The following SAMD12 variants were observed in gnomAD, a reference collection of about 807,000 sequenced individuals.
SAMD12 encodes the protein sterile alpha motif domain containing 12, also known as sterile alpha motif domain-containing protein 12.
In SAMD12, 9 loss-of-function variants were observed where a neutral mutation model predicts 15.0. The ratio of observed to expected loss-of-function variants is 0.60; its 90% CI spans 0.36 to 1.05. The LOEUF (loss-of-function observed/expected upper bound fraction) is 1.05, where lower values mean the gene tolerates loss of function less well. Among genes scored for constraint, SAMD12 ranks in the 50% least tolerant of loss-of-function variants. The probability of loss-of-function intolerance (pLI) is 0.01; values close to 1 mark genes in which losing one functional copy is unlikely to be tolerated. For synonymous variants in SAMD12, 86 were observed against 90.1 expected, an observed-to-expected ratio of 0.96 and a Z score of 0.25; for missense variants, 230 against 234.2, an observed-to-expected ratio of 0.98 and a Z score of 0.12.
At chr8:118,267,701 T>TG (rs1813238606) in intron 4 of SAMD12, among the ~76,000 whole-genome samples, 67 of 147,612 alleles carry the variant, frequency 4.5e-4, no homozygotes, top group East Asian at 3.8e-3. Flanking sequence ...TTCCCATCTG[T>TG]TGTGTGTGTG....
intron 3 of SAMD12, among the ~76,000 whole-genome samples, chr8:118,389,449 C>A (rs1820150783): frequency 6.6e-6 from 1 of 152,134 alleles, no homozygotes; most frequent in Non-Finnish European, 1.5e-5. Flanking sequence ...ATTTTGGGAG[C>A]CTACGCAGCC....
exon 5 of SAMD12, chr8:118,197,708 G>T: frequency 6.2e-7 from 1 of 1,613,222 alleles, no homozygotes; most frequent in Non-Finnish European, 8.5e-7. Context: ...GGCTAACCGT[G>T]TTTATGGAGA....
intron 1 of SAMD12, among the ~76,000 whole-genome samples, chr8:118,616,356 G>T (rs1046093680): frequency 1.4e-5 from 2 of 146,452 alleles, no homozygotes; most frequent in African/African-American, 5.5e-5. Context: ...AAGCTTCAAG[G>T]ATGAGACATG....
downstream of SAMD12, among the ~76,000 whole-genome samples, chr8:118,186,623 G>A (rs1330244845): frequency 6.7e-6 from 1 of 150,276 alleles, no homozygotes; most frequent in African/African-American, 2.5e-5. Flanking sequence ...AATTGATAAA[G>A]AAAATCATTA....
At chr8:118,318,204 A>G (rs1314459743) in intron 4 of SAMD12, among the ~76,000 whole-genome samples, 1 of 151,408 alleles carries the variant, frequency 6.6e-6, no homozygotes, top group Non-Finnish European at 1.5e-5. Flanking sequence ...GTGGGTATCT[A>G]CCCAAAGAAG....
intron 4 of SAMD12, chr8:118,284,990 A>T (rs1813892232): frequency 6.6e-6 from 1 of 151,304 alleles, no homozygotes; most frequent in Non-Finnish European, 1.5e-5. Context: ...ATCAAAATTC[A>T]TCTGTTGTTG....
intron 4 of SAMD12, among the ~76,000 whole-genome samples, chr8:118,298,005 A>C (rs1178958245): frequency 6.6e-6 from 1 of 152,180 alleles, no homozygotes; most frequent in African/African-American, 2.4e-5. Context: ...AGGTTCTTTC[A>C]GCTCCCTGCT....
At chr8:118,434,352 T>A (rs1822510782) in intron 3 of SAMD12, among the ~76,000 whole-genome samples, 1 of 152,234 alleles carries the variant, frequency 6.6e-6, no homozygotes, top group Admixed American at 6.5e-5. Flanking sequence ...CTTGTAGACA[T>A]CTAAAGGATA....
chr8:118,555,847 C>G (rs947410019), intron 2 of SAMD12, among the ~76,000 whole-genome samples: 1 of 152,176 alleles, frequency 6.6e-6, no homozygotes, highest in African/African-American at 2.4e-5. Context: ...AAGCCTCTTT[C>G]CAACTGCAAT....
intron 4 of SAMD12, among the ~76,000 whole-genome samples, chr8:118,282,587 G>A (rs1586420711): frequency 6.6e-6 from 1 of 152,112 alleles, no homozygotes; most frequent in East Asian, 1.9e-4. Flanking sequence ...GGGGGCTGGG[G>A]TGGTGGTGGT....
Position 118,274,912 on chromosome 8 carries a change from T to C in SAMD12, c.434-77180A>G, listed in dbSNP as rs111907543. ...ACAGCTATGAAAGTCAAAGTTGCTA[T>C]GAATATTCTTGTGCATGTCTCCTGG... On this transcript the variant is annotated intron_variant, in intron 4 of 4. Transcript: ENST00000409003. Among the ~76,000 whole-genome samples, 204 of 152,324 alleles carry C rather than the reference T, an allele frequency of 1.3e-3. 1 individual carries two copies. The highest frequency in any genetic ancestry group is 3.9e-3 in the African/African-American group (161 of 41,572).
At chr8:118,294,512 G>T (rs921557752) in intron 4 of SAMD12, among the ~76,000 whole-genome samples, 6 of 152,140 alleles carry the variant, frequency 3.9e-5, no homozygotes, top group Admixed American at 3.3e-4. Flanking sequence ...ATGTCAGGGG[G>T]TCCATTTCCA....
intron 1 of SAMD12, among the ~76,000 whole-genome samples, chr8:118,599,921 T>C (rs753818956): frequency 6.6e-6 from 1 of 152,110 alleles, no homozygotes; most frequent in Non-Finnish European, 1.5e-5. Context: ...GCGACTCAAT[T>C]AGAAACCCAG....
At chr8:118,522,929 T>G (rs1310374370) in intron 2 of SAMD12, among the ~76,000 whole-genome samples, 2 of 152,192 alleles carry the variant, frequency 1.3e-5, no homozygotes, top group African/African-American at 4.8e-5. Flanking sequence ...TGTTTAGATC[T>G]CTCTACTTAA....
At chr8:118,358,241 C>T (rs1818327339) in intron 4 of SAMD12, among the ~76,000 whole-genome samples, 1 of 152,300 alleles carries the variant, frequency 6.6e-6, no homozygotes, top group South Asian at 2.1e-4. Flanking sequence ...CTTCATCCGG[C>T]CAGACCACAT....
chr8:118,614,626 G>T (rs529740807), intron 1 of SAMD12, among the ~76,000 whole-genome samples: 7 of 152,162 alleles, frequency 4.6e-5, no homozygotes, highest in Non-Finnish European at 1.0e-4. Flanking sequence ...AGGATTTGCC[G>T]AATAGAACAC....
intron 4 of SAMD12, among the ~76,000 whole-genome samples, chr8:118,340,734 G>A (rs2514946): frequency 0.56 from 85,628 of 151,884 alleles, 24,325 homozygotes; most frequent in East Asian, 0.67. Context: ...TTGTCACTGC[G>A]CTCCAGCCTG....
At chr8:118,431,545 T>G (rs533140681) in intron 3 of SAMD12, among the ~76,000 whole-genome samples, 1 of 152,246 alleles carries the variant, frequency 6.6e-6, no homozygotes, top group East Asian at 1.9e-4. Flanking sequence ...TTCAACCCTT[T>G]AAAGTTTTCA....
chr8:118,318,715 T>TA lies in SAMD12; in HGVS notation c.433+60844dup, dbSNP rs969990724. ...ACTTGTATTCCCAAAGCTATTGAAA[T>TA]AAAAAAAATATTAAATTGCTTGTAT... On this transcript the variant is annotated intron_variant, in intron 4 of 4. Coordinates refer to the SAMD12 transcript ENST00000409003. 1.0e-3 allele frequency among the ~76,000 whole-genome samples: 154 copies of TA among 151,894 alleles called. 1 individual carries two copies. The highest frequency in any genetic ancestry group is 3.3e-3 in the African/African-American group (136 of 41,410).
Sources: allele counts gnomAD v4.1 joint callset (sites outside exome capture counted in the v4.1 genomes callset), GRCh38; gene constraint gnomAD v4.1.1; transcripts MANE v1.5; gene names NCBI Gene and HGNC (gene_info 2026-07-23, HGNC 2026-07-21).